The following RREB1 variants were observed in gnomAD, a reference collection of about 807,000 sequenced individuals.
The protein encoded by RREB1 is ras responsive element binding protein 1.
In RREB1, 27 loss-of-function variants were observed where a neutral mutation model predicts 117.8. The ratio of observed to expected loss-of-function variants is 0.23; its 90% CI spans 0.17 to 0.32. The LOEUF (loss-of-function observed/expected upper bound fraction) is 0.32, where lower values mean the gene tolerates loss of function less well. Among genes scored for constraint, RREB1 ranks in the 10% least tolerant of loss-of-function variants. The pLI, the probability that RREB1 is intolerant of heterozygous loss-of-function variation, is 1.00. For synonymous variants in RREB1, 1,298 were observed against 1,026.7 expected (o/e 1.26, Z -5.05); for missense variants, 2,577 against 2,378.2 (o/e 1.08, Z -1.74).
rs1181022650 is a variant in RREB1 at position 7,237,737 on chromosome 6, T to C, written c.3809-2701T>C. Among the ~76,000 whole-genome samples the C allele has an allele frequency of 2.0e-5, 3 of 152,264 alleles. No individual in the cohort carries two copies. In the East Asian group the frequency reaches 5.8e-4, roughly 29 times the overall value. The stretch of plus-strand genomic sequence containing the variant: ...TGAAACCTGCGTTATTATAAAATAC[T>C]AAACGGGCCCGTTTTCCTGCATCCC... On this transcript the variant is annotated intron_variant, in intron 10 of 12. Coordinates refer to ENST00000379938, the MANE Select transcript of RREB1 (RefSeq NM_001003699.4).
At position 7,249,053 on chromosome 6, in the gene RREB1, G is replaced by C; in HGVS notation, c.*85G>C. The C allele has an allele frequency of 1.0e-6, 1 of 956,662 alleles. No homozygotes were observed. Among genetic ancestry groups the C allele is most frequent in the Non-Finnish European group, 1.5e-6 (1 of 677,274 alleles). The allele number at this position is 956,662 out of a possible 1,614,324, so 59.3% of individuals were successfully genotyped here. A position where few individuals can be genotyped will look rare whatever the true frequency, so the allele number is the denominator to read the frequency against. ...GGGGTTTCCTCAGTGCCCTTTGGCT[G>C]TTGAGGAGTGAGAGAGAGAGAGAGA... On this transcript the variant is annotated 3_prime_UTR_variant, in exon 13 of 13. Transcript: ENST00000379938.
chr6:7,218,503 A>T (rs916669160), intron 8 of RREB1: 4 of 151,854 alleles, frequency 2.6e-5, no homozygotes, highest in African/African-American at 4.8e-5. Context: ...AAAAAAAGAG[A>T]CTTTTGGTGT....
intron 6 of RREB1, among the ~76,000 whole-genome samples, chr6:7,197,832 C>T (rs1393219410): frequency 6.6e-6 from 1 of 152,170 alleles, no homozygotes; most frequent in Non-Finnish European, 1.5e-5. Context: ...CAGGAAGAGG[C>T]TTATATGTTC....
intron 1 of RREB1, among the ~76,000 whole-genome samples, chr6:7,110,913 C>G (rs1022585887): frequency 1.7e-4 from 26 of 152,244 alleles, no homozygotes; most frequent in African/African-American, 6.3e-4. Flanking sequence ...AAATCAGACT[C>G]TAAGCCCTTA....
At position 7,229,422 on chromosome 6, in the gene RREB1, C is replaced by G. The variant is rs769967170; in HGVS notation, c.1323C>G (p.Pro441=). The change falls in exon 10 of 13, where the codon CCC becomes CCG. Residue 441 remains proline (P), a synonymous_variant. Transcript: ENST00000379938. This position sits in a 1 kb window ranked among gnomAD's most constrained non-coding sequence, Gnocchi z 4.5. ...GCATAAAGCACCTGTCCCTGCAGCCCTTCCAGAAGGGCTTCATCATCCAGC... is the reference window on the plus strand; with the variant it reads ...GCATAAAGCACCTGTCCCTGCAGCCGTTCCAGAAGGGCTTCATCATCCAGC... ...KDSIKHLSLQ[P]FQKGFIIQPD... 8.7e-6 allele frequency: 14 copies of G among 1,614,068 alleles called. No homozygotes were observed. The East Asian group carries it at 2.7e-4, about 31-fold the overall frequency.
chr6:7,242,642 TC>T (rs1554128689), intron 11 of RREB1, among the ~76,000 whole-genome samples: 93 of 134,754 alleles, frequency 6.9e-4, no homozygotes, highest in Middle Eastern at 4.1e-3. Context: ...CATTCTGGGT[TC>T]CCCCCCCCCA....
chr6:7,189,954 G>C (rs1053020757), intron 6 of RREB1, among the ~76,000 whole-genome samples: 4 of 151,996 alleles, frequency 2.6e-5, no homozygotes, highest in African/African-American at 9.7e-5. Context: ...ATGTTTTGAG[G>C]GGTTTACTTT....
chr6:7,159,198 C>G (rs953419732), intron 1 of RREB1, among the ~76,000 whole-genome samples: 1 of 152,144 alleles, frequency 6.6e-6, no homozygotes, highest in East Asian at 1.9e-4. Flanking sequence ...AAACATTCTC[C>G]GTAAGACCAC....
At chr6:7,214,642 A>G (rs1766802505) in intron 8 of RREB1, 1 of 152,352 alleles carries the variant, frequency 6.6e-6, no homozygotes, top group African/African-American at 2.4e-5. Context: ...GAACTGGGAC[A>G]GTAGCTAGTG....
At chr6:7,181,795 C>A (rs1037482560) in intron 3 of RREB1, 75 bp from the exon 4 acceptor site, 2 of 1,009,394 alleles carry the variant, frequency 2.0e-6, no homozygotes, top group Admixed American at 1.8e-5. Flanking sequence ...ATTAGAGTAG[C>A]CATGGCCAGC....
rs1764797553 is a variant in RREB1 at position 7,181,616 on chromosome 6, C to T, written c.-42-254C>T. Reference sequence around the variant, plus strand: ...GATTAGGAAAGGTAGAGAAACCTGCCTCTCATGAGTTTGAGTCCTGTTGGT... The same window carrying T: ...GATTAGGAAAGGTAGAGAAACCTGCTTCTCATGAGTTTGAGTCCTGTTGGT... On this transcript the variant is annotated intron_variant, in intron 3 of 12. Coordinates refer to ENST00000379938, the MANE Select transcript of RREB1 (RefSeq NM_001003699.4). 5 of 577,232 alleles carry T rather than the reference C, an allele frequency of 8.7e-6. No homozygotes were observed. In the East Asian group the frequency reaches 1.5e-4, roughly 17 times the overall value. 35.8% of individuals were successfully genotyped at this position (577,232 alleles called of 1,614,324 possible).
At position 7,117,768 on chromosome 6, in the gene RREB1, T is replaced by A. The variant is rs78844022; in HGVS notation, c.-285+9708T>A. ...TATTTTTTTGGAGACAGGGTCTCTC[T>A]ATGTTGCTCATGCTGGTCTCAAATT... On this transcript the variant is annotated intron_variant, in intron 1 of 12. Transcript: ENST00000379938. Among the ~76,000 whole-genome samples the A allele has an allele frequency of 4.6e-4, 70 of 152,248 alleles. 2 individuals carry two copies. The East Asian group carries it at 0.012, about 26-fold the overall frequency.
At chr6:7,181,836 C>A in intron 3 of RREB1, 34 bp from the exon 4 acceptor site, 6 of 1,499,038 alleles carry the variant, frequency 4.0e-6, no homozygotes, top group Non-Finnish European at 5.6e-6. Context: ...GCCTAAACTT[C>A]CCCATGATCA....
At chr6:7,236,785 T>C (rs1041538257) in intron 10 of RREB1, among the ~76,000 whole-genome samples, 1 of 150,792 alleles carries the variant, frequency 6.6e-6, no homozygotes, top group Non-Finnish European at 1.5e-5. Flanking sequence ...CTCATCAAAC[T>C]ATTCTCACTG....
chr6:7,199,629 T>C (rs1206751356), intron 6 of RREB1, among the ~76,000 whole-genome samples: 2 of 152,124 alleles, frequency 1.3e-5, no homozygotes, highest in Admixed American at 6.5e-5. Flanking sequence ...TATGTGTGTG[T>C]GCTTGGGTTT....
intron 1 of RREB1, among the ~76,000 whole-genome samples, chr6:7,123,770 C>T (rs1282033443): frequency 6.6e-6 from 1 of 152,064 alleles, no homozygotes; most frequent in Non-Finnish European, 1.5e-5. Flanking sequence ...GCCACCACGC[C>T]TGGCTAATTT....
intron 12 of RREB1, 152 bp downstream of exon 12, chr6:7,247,373 A>G: frequency 1.4e-6 from 1 of 694,432 alleles, no homozygotes; most frequent in South Asian, 2.0e-5. Context: ...TAGGAGTTTT[A>G]AGGAGTTGTA....
intron 6 of RREB1, among the ~76,000 whole-genome samples, chr6:7,191,287 T>G (rs749929888): frequency 1.3e-5 from 2 of 152,158 alleles, no homozygotes; most frequent in Non-Finnish European, 2.9e-5. Flanking sequence ...AAGTGTGCAC[T>G]TCAGTGGGCT....
At chr6:7,168,978 A>G (rs9505054) in intron 1 of RREB1, among the ~76,000 whole-genome samples, 4,176 of 152,346 alleles carry the variant, frequency 0.027, 180 homozygotes, top group African/African-American at 0.094. Context: ...TTTCTAGCAT[A>G]GAGTTTATGT....
Sources: gnomAD v4.1 joint callset for allele counts (sites outside exome capture counted in the v4.1 genomes callset) on GRCh38, gnomAD v4.1.1 for gene constraint, Gnocchi (gnomAD v3.1) non-coding constraint, MANE v1.5 for transcripts, NCBI Gene and HGNC (gene_info 2026-07-23, HGNC 2026-07-21) for gene names.